The following RPH3A variants were observed in gnomAD, a reference collection of about 807,000 sequenced individuals.
The protein encoded by RPH3A is rabphilin 3A, also known as rabphilin-3A.
Under a neutral mutation model 102.2 loss-of-function variants are expected in RPH3A, and 48 were observed. The observed-to-expected ratio is 0.47, with a 90% confidence interval of 0.37 to 0.60. RPH3A has a LOEUF of 0.60. Ranked by LOEUF, RPH3A falls within the 20% of genes least tolerant of loss-of-function variation. The probability of loss-of-function intolerance (pLI) is 0.00; values close to 1 mark genes in which losing one functional copy is unlikely to be tolerated. For missense variants in RPH3A, 781 were observed against 910.1 expected (o/e 0.86, Z 1.83); for synonymous variants, 310 against 324.3 (o/e 0.96, Z 0.47).
At chr12:112,801,937 A>G (rs1202323388) in intron 2 of RPH3A, among the ~76,000 whole-genome samples, 1 of 152,170 alleles carries the variant, frequency 6.6e-6, no homozygotes, top group Non-Finnish European at 1.5e-5. Context: ...TTTAAGATCC[A>G]TCCACGTTGC....
chr12:112,744,391 A>G (rs2040729796), intron 1 of RPH3A, among the ~76,000 whole-genome samples: 2 of 152,110 alleles, frequency 1.3e-5, no homozygotes, highest in Admixed American at 1.3e-4. Context: ...TCAGTTTTCT[A>G]TTTGTAAAAC....
intron 1 of RPH3A, among the ~76,000 whole-genome samples, chr12:112,631,883 A>T (rs1252817766): frequency 7.9e-5 from 12 of 152,170 alleles, no homozygotes; most frequent in Non-Finnish European, 2.9e-5. Context: ...TATATTGCAT[A>T]TGGTGAAGTC....
chr12:112,724,052 A>ATTTT (rs146271090), intron 1 of RPH3A, among the ~76,000 whole-genome samples: 6 of 117,314 alleles, frequency 5.1e-5, no homozygotes, highest in African/African-American at 1.6e-4. Flanking sequence ...AATTTTTTTG[A>ATTTT]TTTTTTTTTT....
chr12:112,604,718 T>C (rs1336115617), intron 1 of RPH3A, among the ~76,000 whole-genome samples: 2 of 152,240 alleles, frequency 1.3e-5, no homozygotes, highest in Non-Finnish European at 2.9e-5. Context: ...CATGAGGTTG[T>C]AGTCAGAATG....
chr12:112,695,044 C>T (rs1207287117), intron 1 of RPH3A: 1 of 170,348 alleles, frequency 5.9e-6, no homozygotes, highest in Non-Finnish European at 1.5e-5. Flanking sequence ...TACAGGAATC[C>T]TAGTTACATT....
intron 19 of RPH3A, among the ~76,000 whole-genome samples, chr12:112,892,717 A>G (rs1255347257): frequency 1.3e-5 from 2 of 152,194 alleles, no homozygotes; most frequent in Non-Finnish European, 2.9e-5. Context: ...GTACACAGTA[A>G]ATGCTAATAA....
chr12:112,714,740 G>T (rs188034119), intron 1 of RPH3A, among the ~76,000 whole-genome samples: 1 of 152,138 alleles, frequency 6.6e-6, no homozygotes, highest in Non-Finnish European at 1.5e-5. Context: ...ATGGAGTGAC[G>T]GTTGAGGATT....
chr12:112,790,355 G>A (rs562025825), upstream of RPH3A, among the ~76,000 whole-genome samples: 109 of 152,276 alleles, frequency 7.2e-4, no homozygotes, highest in African/African-American at 2.3e-3. Context: ...ACCGCGCCTG[G>A]CAGAGACACT....
intron 5 of RPH3A, among the ~76,000 whole-genome samples, chr12:112,848,669 G>T (rs1273007812): frequency 6.6e-6 from 1 of 152,178 alleles, no homozygotes; most frequent in Non-Finnish European, 1.5e-5. Context: ...GGGCTCAGAG[G>T]GTGGGGATAA....
intron 1 of RPH3A, among the ~76,000 whole-genome samples, chr12:112,580,670 T>C (rs2039394316): frequency 6.6e-6 from 1 of 152,068 alleles, no homozygotes; most frequent in South Asian, 2.1e-4. Context: ...CCTCCCAAAG[T>C]GCTGGGATTA....
chr12:112,784,398 A>G (rs1479936322), intron 1 of RPH3A, among the ~76,000 whole-genome samples: 4 of 152,174 alleles, frequency 2.6e-5, no homozygotes, highest in Non-Finnish European at 5.9e-5. Context: ...GATCTATCCC[A>G]GGTTCCCCTA....
chr12:112,770,455 C>A (rs1004498774), intron 1 of RPH3A, among the ~76,000 whole-genome samples: 2 of 152,112 alleles, frequency 1.3e-5, no homozygotes, highest in Non-Finnish European at 2.9e-5. Context: ...AAGTGATCTT[C>A]CCATCTCAGC....
At chr12:112,825,535 C>A (rs12306154) in intron 2 of RPH3A, among the ~76,000 whole-genome samples, 39 of 151,986 alleles carry the variant, frequency 2.6e-4, no homozygotes, top group African/African-American at 7.3e-4. Flanking sequence ...GTCTCTCCCC[C>A]CCTTACTCTT....
chr12:112,802,161 T>C (rs1475400333), intron 2 of RPH3A, among the ~76,000 whole-genome samples: 1 of 152,266 alleles, frequency 6.6e-6, no homozygotes, highest in Non-Finnish European at 1.5e-5. Flanking sequence ...CACAGGTAGA[T>C]GCTTTGCTCT....
At chr12:112,737,429 T>C (rs903094883) in intron 1 of RPH3A, among the ~76,000 whole-genome samples, 1 of 152,190 alleles carries the variant, frequency 6.6e-6, no homozygotes, top group Non-Finnish European at 1.5e-5. Flanking sequence ...AGTAAGACTC[T>C]ATGAGTCTAT....
At chr12:112,821,172 G>T (rs370290629) in intron 2 of RPH3A, among the ~76,000 whole-genome samples, 1 of 152,132 alleles carries the variant, frequency 6.6e-6, no homozygotes, top group African/African-American at 2.4e-5. Context: ...AGGGGCACTC[G>T]GCTCCATCAA....
intron 1 of RPH3A, among the ~76,000 whole-genome samples, chr12:112,627,118 G>T (rs1180119941): frequency 1.4e-5 from 2 of 139,612 alleles, no homozygotes; most frequent in African/African-American, 5.3e-5. Flanking sequence ...TAGATGACGA[G>T]TTAGTGGGTG....
intron 1 of RPH3A, among the ~76,000 whole-genome samples, chr12:112,711,829 G>A (rs748529018): frequency 1.3e-5 from 2 of 152,002 alleles, no homozygotes; most frequent in Non-Finnish European, 2.9e-5. Flanking sequence ...CTTGTTCTCT[G>A]TACAATTTTT....
intron 1 of RPH3A, among the ~76,000 whole-genome samples, chr12:112,701,960 C>T (rs1475853198): frequency 1.3e-5 from 2 of 152,194 alleles, no homozygotes; most frequent in African/African-American, 2.4e-5. Context: ...TTTCCTTCCC[C>T]ATCACCTCCA....
Sources: gnomAD v4.1 joint callset for allele counts (sites outside exome capture counted in the v4.1 genomes callset) on GRCh38, gnomAD v4.1.1 for gene constraint, MANE v1.5 for transcripts, NCBI Gene and HGNC (gene_info 2026-07-23, HGNC 2026-07-21) for gene names.